Variants in ENPP1 observed in about 807,000 individuals in gnomAD.
ENPP1 encodes the protein ectonucleotide pyrophosphatase/phosphodiesterase family member 1.
ENPP1 carries 73 observed loss-of-function variants against 122.8 expected under a neutral mutation model. The observed-to-expected ratio is 0.59, with a 90% confidence interval of 0.49 to 0.72. The LOEUF is 0.72. Among genes scored for constraint, ENPP1 ranks in the 30% least tolerant of loss-of-function variants. ENPP1 has a pLI of 0.00. For synonymous variants in ENPP1, 367 were observed against 391.6 expected (o/e 0.94, Z 0.74); for missense variants, 978 against 1,128.1 (o/e 0.87, Z 1.91).
chr6:131,858,821 T>C, intron 7 of ENPP1, 74 bp downstream of exon 7: 2 of 1,106,492 alleles, frequency 1.8e-6, no homozygotes, highest in African/African-American at 3.1e-5. Flanking sequence ...AGGGAATAGA[T>C]TTAAGATAAA....
At chr6:131,817,963 C>A (rs900644671) in intron 1 of ENPP1, among the ~76,000 whole-genome samples, 1 of 151,310 alleles carries the variant, frequency 6.6e-6, no homozygotes, top group African/African-American at 2.4e-5. Flanking sequence ...CATCCTATAA[C>A]AGGTGTGATT....
At chr6:131,872,478 C>T (rs989449166) in intron 14 of ENPP1, among the ~76,000 whole-genome samples, 1 of 152,086 alleles carries the variant, frequency 6.6e-6, no homozygotes, top group Admixed American at 6.6e-5. Context: ...AGTTTCTGTA[C>T]TAGTGCTGAG....
intron 24 of ENPP1, 125 bp from the exon 25 acceptor site, chr6:131,890,216 C>A: frequency 1.3e-6 from 1 of 777,394 alleles, no homozygotes; most frequent in South Asian, 1.4e-5. Flanking sequence ...CCTAACAAAT[C>A]ATGTGGCACG....
intron 19 of ENPP1, 116 bp from the exon 20 acceptor site, chr6:131,879,764 G>A: frequency 1.0e-6 from 1 of 962,322 alleles, no homozygotes; most frequent in Non-Finnish European, 1.6e-6. Flanking sequence ...TTTTTTAATA[G>A]TTAAAAGTAA....
chr6:131,861,673 A>T lies in ENPP1; in HGVS notation c.994A>T (p.Ile332Phe). 6.2e-7 allele frequency: 1 copy of T among 1,612,202 alleles called. No individual in the cohort carries two copies. Among genetic ancestry groups the T allele is most frequent in the Non-Finnish European group, 8.5e-7 (1 of 1,178,282 alleles). ...AGGATCAGATGTGGAAATTAACGGA[A>T]TTTTCCCAGACATCTATAAAATGTA... ...WPGSDVEING[I>F]FPDIYKMYNG... is the part of the protein sequence containing the mutation. The change falls in exon 9 of 25, where the codon ATT (isoleucine) becomes TTT (phenylalanine). Residue 332 changes from isoleucine to phenylalanine, a missense_variant. Physicochemically the swap from Ile to Phe is conservative, Grantham distance 21. Transcript: ENST00000647893.
chr6:131,869,392 T>A lies in ENPP1; in HGVS notation c.1308T>A (p.Tyr436Ter), dbSNP rs1458231825. The stretch of plus-strand genomic sequence containing the variant: ...AAGGCAGTTGTAAGAAATACATATA[T>A]CTGAATAAATATTTGGGGGATGTTA... Reference protein sequence around the residue: ...MEQGSCKKYIYLNKYLGDVKN... With the variant: ...MEQGSCKKYI The change falls in exon 13 of 25, where the codon TAT becomes TAA. Residue 436 changes from tyrosine to a stop codon, truncating the protein, a stop_gained. Transcript: ENST00000647893. LOFTEE classifies it high-confidence loss of function. 1 of 1,613,000 alleles carries A rather than the reference T, an allele frequency of 6.2e-7. No homozygotes were observed. The highest frequency in any genetic ancestry group is 1.3e-5 in the African/African-American group (1 of 74,892).
intron 24 of ENPP1, among the ~76,000 whole-genome samples, chr6:131,887,434 C>T (rs1782395852): frequency 1.3e-5 from 2 of 151,580 alleles, no homozygotes; most frequent in East Asian, 1.9e-4. Context: ...ACTTTGGCTC[C>T]CAGGCTGGAG....
chr6:131,867,251 TACTG>T (rs1440633499), intron 11 of ENPP1, among the ~76,000 whole-genome samples: 2 of 152,206 alleles, frequency 1.3e-5, no homozygotes, highest in Non-Finnish European at 2.9e-5. Context: ...AGTGAAATAA[TACTG>T]ACAATGAATG....
intron 23 of ENPP1, among the ~76,000 whole-genome samples, chr6:131,885,823 G>A (rs965404066): frequency 6.6e-6 from 1 of 152,162 alleles, no homozygotes; most frequent in African/African-American, 2.4e-5. Flanking sequence ...GCATAAAGCT[G>A]CCTTAGAAGC....
chr6:131,838,054 C>T (rs858340), intron 1 of ENPP1, among the ~76,000 whole-genome samples: 33,750 of 151,968 alleles, frequency 0.22, 4,182 homozygotes, highest in Middle Eastern at 0.43. Flanking sequence ...AGACACCAAT[C>T]TTTAGATTCA....
chr6:131,819,603 G>A (rs539079048), intron 1 of ENPP1, among the ~76,000 whole-genome samples: 1 of 152,258 alleles, frequency 6.6e-6, no homozygotes, highest in Non-Finnish European at 1.5e-5. Context: ...ACGTGCATTT[G>A]TGGAACTGCA....
rs773174078 is a variant in ENPP1, at chr6:131,851,140, A to G, written c.431-2A>G. ...ACACATTTTGCTGATGTTTGTTTCTAGAACATATATGGACTTGCAACAAAT... is the reference window on the plus strand; with the variant it reads ...ACACATTTTGCTGATGTTTGTTTCTGGAACATATATGGACTTGCAACAAAT... On this transcript the variant is annotated splice_acceptor_variant, in intron 3 of 24. Transcript: ENST00000647893. LOFTEE classifies it high-confidence loss of function. 3 of 1,613,896 alleles carry G rather than the reference A, an allele frequency of 1.9e-6. No homozygotes were observed. Among genetic ancestry groups the G allele is most frequent in the African/African-American group, 1.3e-5 (1 of 74,928 alleles).
intron 1 of ENPP1, among the ~76,000 whole-genome samples, chr6:131,823,264 G>A (rs1321288721): frequency 6.6e-6 from 1 of 152,186 alleles, no homozygotes; most frequent in East Asian, 1.9e-4. Flanking sequence ...AGTTCTGTGA[G>A]GTAGGAGGGA....
chr6:131,831,583 G>C lies in ENPP1; in HGVS notation c.241-16193G>C, dbSNP rs556461698. ...TTTTGATGACCTTGACAGTTTTAAA[G>C]AGTATGAGTCATGTATTTTGTGGAA... On this transcript the variant is annotated intron_variant, in intron 1 of 24. Transcript: ENST00000647893. Among the ~76,000 whole-genome samples the C allele has an allele frequency of 2.6e-5, 4 of 152,264 alleles. No individual in the cohort carries two copies. The South Asian group carries it at 6.2e-4, about 24-fold the overall frequency.
chr6:131,851,107 GACATAAAAC>G, intron 3 of ENPP1, 26 bp from the exon 4 acceptor site: 1 of 1,612,294 alleles, frequency 6.2e-7, no homozygotes, highest in Non-Finnish European at 8.5e-7. Context: ...TTGAATTTGA[GACATAAAAC>G]ACATTTTGCT....
At chr6:131,876,512 G>A (rs1562182801) in intron 17 of ENPP1, among the ~76,000 whole-genome samples, 1 of 152,138 alleles carries the variant, frequency 6.6e-6, no homozygotes, top group Non-Finnish European at 1.5e-5. Flanking sequence ...CATATAGTAA[G>A]TGCTTACTAC....
intron 12 of ENPP1, 59 bp from the exon 13 acceptor site, chr6:131,869,299 T>A: frequency 6.4e-7 from 1 of 1,558,522 alleles, no homozygotes; most frequent in South Asian, 1.1e-5. Context: ...AGTTCTGCTC[T>A]GCATATTAAA....
At position 131,887,270 on chromosome 6, in the gene ENPP1, CCTTT is replaced by C. The variant is rs1297882029; in HGVS notation, c.2607+550_2607+553del. Among the ~76,000 whole-genome samples the C allele has an allele frequency of 7.9e-5, 12 of 151,986 alleles. 1 individual carries two copies. In the East Asian group the frequency reaches 1.5e-3, roughly 20 times the overall value. On this transcript the variant is annotated intron_variant, in intron 24 of 24. Coordinates refer to ENST00000647893, the MANE Select transcript of ENPP1 (RefSeq NM_006208.3). ...ATCACTTAATTATAAAAAATCTTTT[CCTTT>C]CTTATCGTATTGTCATCCCAGTGTG...
intron 1 of ENPP1, among the ~76,000 whole-genome samples, chr6:131,845,317 C>G (rs1375722837): frequency 6.6e-6 from 1 of 151,690 alleles, no homozygotes; most frequent in East Asian, 1.9e-4. Flanking sequence ...AGGCATGAGC[C>G]ACCGTGCCTG....
Sources: gnomAD v4.1 joint callset for allele counts (sites outside exome capture counted in the v4.1 genomes callset) on GRCh38, gnomAD v4.1.1 for gene constraint, MANE v1.5 for transcripts, NCBI Gene and HGNC (gene_info 2026-07-23, HGNC 2026-07-21) for gene names.